ERBIN: variants seen among roughly 807,000 people sequenced by gnomAD.
ERBIN encodes the protein erbb2 interacting protein.
ERBIN carries 60 observed loss-of-function variants against 158.4 expected under a neutral mutation model. The observed-to-expected ratio is 0.38, with a 90% CI of 0.31 to 0.47. The LOEUF (loss-of-function observed/expected upper bound fraction) is 0.47. Among genes scored for constraint, ERBIN ranks in the 20% least tolerant of loss-of-function variants. ERBIN has a pLI of 0.99. For missense variants in ERBIN, 1,610 were observed against 1,648.0 expected (o/e 0.98, Z 0.40); for synonymous variants, 594 against 557.2 (o/e 1.07, Z -0.93).
rs199574681 is a variant in ERBIN at position 66,012,029 on chromosome 5, G to T, written c.308-20G>T. ...TCCTTTGTAATAGATCTTTTAATTTGATCGTTGTTTGTTTTCTAGGAATAC... is the reference window on the plus strand; with the variant it reads ...TCCTTTGTAATAGATCTTTTAATTTTATCGTTGTTTGTTTTCTAGGAATAC... On this transcript the variant is annotated intron_variant, in intron 4 of 25. Transcript: ENST00000284037. 2.7e-6 allele frequency: 4 copies of T among 1,479,556 alleles called. No individual in the cohort carries two copies. The highest frequency in any genetic ancestry group is 2.4e-5 in the South Asian group (2 of 84,330). 91.7% of individuals were successfully genotyped at this position (1,479,556 alleles called of 1,614,324 possible).
In ERBIN at chr5:66,054,498, A is replaced by T. The variant is rs759959869; in HGVS notation, c.3180A>T (p.Ser1060=). 4.3e-6 allele frequency: 7 copies of T among 1,614,208 alleles called. No individual in the cohort carries two copies. The highest frequency in any genetic ancestry group is 5.9e-6 in the Non-Finnish European group (7 of 1,180,020). ...PARHGEMWAI[S]PNDRLIPAVT... ...GACATGGGGAAATGTGGGCCATCTC[A>T]CCAAACGACCGACTTATTCCTGCAG... Residue 1060 remains serine (S), a synonymous_variant, in exon 21 of 26, where the codon TCA becomes TCT. Transcript: ENST00000284037.
At chr5:65,973,146 A>T (rs1426765854) in intron 1 of ERBIN, among the ~76,000 whole-genome samples, 1 of 151,128 alleles carries the variant, frequency 6.6e-6, no homozygotes, top group Non-Finnish European at 1.5e-5. Context: ...CATTCTCAGC[A>T]AACTACCCCA....
chr5:65,981,734 A>C (rs939904989), intron 1 of ERBIN, among the ~76,000 whole-genome samples: 2 of 152,026 alleles, frequency 1.3e-5, no homozygotes, highest in Non-Finnish European at 2.9e-5. Context: ...GCAGTTGACT[A>C]TTTCTCTGAA....
rs1468336137 is a variant in ERBIN, at chr5:66,025,831, C to CT, written c.891-10dup. The CT allele has an allele frequency of 5.9e-6, 8 of 1,354,472 alleles. No homozygotes were observed. The South Asian group carries it at 8.1e-5, about 14-fold the overall frequency. The allele number at this position is 1,354,472 out of a possible 1,614,324, so 83.9% of individuals were successfully genotyped here. A position where few individuals can be genotyped will look rare whatever the true frequency, so the allele number is the denominator to read the frequency against. On this transcript the variant is annotated splice_polypyrimidine_tract_variant and intron_variant, in intron 11 of 25. Transcript: ENST00000284037. ...AATCTTTAACAAATAATATATATTTCTTTTTTTAAATTAAAGGTTAATATC... is the reference window on the plus strand; with the variant it reads ...AATCTTTAACAAATAATATATATTTCTTTTTTTTAAATTAAAGGTTAATATC...
At chr5:66,018,216 G>A (rs1198096743) in intron 7 of ERBIN, among the ~76,000 whole-genome samples, 2 of 150,680 alleles carry the variant, frequency 1.3e-5, no homozygotes, top group Non-Finnish European at 2.9e-5. Flanking sequence ...TGTTAAGAAT[G>A]TCAGTGTTTT....
rs959382268 is a variant in ERBIN, at chr5:66,048,568, T to G, written c.1789-99T>G. On this transcript the variant is annotated intron_variant, in intron 18 of 25. Coordinates refer to ENST00000284037, the MANE Select transcript of ERBIN (RefSeq NM_001253697.2). Reference sequence around the variant, plus strand: ...ATCTTGAAAAGGTTTAATATGTGTTTATAATATTTGTTTTCCCTTTAAAGT... The same window carrying G: ...ATCTTGAAAAGGTTTAATATGTGTTGATAATATTTGTTTTCCCTTTAAAGT... 11 of 702,564 alleles carry G rather than the reference T, an allele frequency of 1.6e-5. No individual in the cohort carries two copies. In the African/African-American group the frequency reaches 2.0e-4, roughly 13 times the overall value. 43.5% of individuals were successfully genotyped at this position (702,564 alleles called of 1,614,324 possible).
At chr5:66,020,844 G>T (rs1384797078) in intron 7 of ERBIN, among the ~76,000 whole-genome samples, 1 of 152,072 alleles carries the variant, frequency 6.6e-6, no homozygotes, top group South Asian at 2.1e-4. Context: ...ATTTGAACAT[G>T]TGGGGAGTAA....
intron 4 of ERBIN, among the ~76,000 whole-genome samples, chr5:66,005,550 T>C (rs1050526012): frequency 2.0e-5 from 3 of 152,032 alleles, no homozygotes; most frequent in Admixed American, 2.0e-4. Context: ...TGAGCCCTGG[T>C]TGGGCAATCA....
intron 7 of ERBIN, among the ~76,000 whole-genome samples, chr5:66,017,120 A>G (rs1465963576): frequency 6.6e-6 from 1 of 151,976 alleles, no homozygotes; most frequent in Non-Finnish European, 1.5e-5. Context: ...TTGATTCCAT[A>G]TTTTGGCTAT....
chr5:66,054,477 T>C lies in ERBIN; in HGVS notation c.3159T>C (p.His1053=), dbSNP rs755081916. The part of the protein sequence containing the change: ...HLHQRLGPAR[H]GEMWAISPND... The stretch of plus-strand genomic sequence containing the variant: ...ATCAGAGACTTGGCCCAGCAAGACA[T>C]GGGGAAATGTGGGCCATCTCACCAA... The change falls in exon 21 of 26, where the codon CAT becomes CAC. Residue 1053 remains histidine (H), a synonymous_variant. Coordinates refer to ENST00000284037, the MANE Select transcript of ERBIN (RefSeq NM_001253697.2). 4 of 1,614,088 alleles carry C rather than the reference T, an allele frequency of 2.5e-6. No individual in the cohort carries two copies. The highest frequency in any genetic ancestry group is 1.7e-6 in the Non-Finnish European group (2 of 1,180,032).
At chr5:65,950,776 T>C (rs940397787) in intron 1 of ERBIN, among the ~76,000 whole-genome samples, 4 of 152,002 alleles carry the variant, frequency 2.6e-5, no homozygotes, top group South Asian at 2.1e-4. Flanking sequence ...CTAGTAATTT[T>C]AGCATTCATA....
In ERBIN at chr5:66,079,158, T is replaced by A; in HGVS notation, c.*628T>A. 1 of 152,634 alleles carries A rather than the reference T, an allele frequency of 6.6e-6. No individual in the cohort carries two copies. The highest frequency in any genetic ancestry group is 6.6e-5 in the Admixed American group (1 of 15,256). 9.5% of individuals were successfully genotyped at this position (152,634 alleles called of 1,614,324 possible). A position where few individuals can be genotyped will look rare whatever the true frequency, so the allele number is the denominator to read the frequency against. ...GAGCTACGTGGTAGTATGTTTTTAT[T>A]AGGAGAATAATGCAATAAAATATGT... On this transcript the variant is annotated 3_prime_UTR_variant, in exon 26 of 26. Transcript: ENST00000284037.
At chr5:66,006,744 C>T (rs1300691850) in intron 4 of ERBIN, among the ~76,000 whole-genome samples, 1 of 152,088 alleles carries the variant, frequency 6.6e-6, no homozygotes, top group Non-Finnish European at 1.5e-5. Context: ...TGAACAGACA[C>T]TTCTCAAAAG....
chr5:65,999,172 C>T (rs916622679), intron 4 of ERBIN, among the ~76,000 whole-genome samples: 3 of 151,340 alleles, frequency 2.0e-5, no homozygotes, highest in Non-Finnish European at 4.4e-5. Context: ...AGTTTGTGAC[C>T]AGCCTGGCGA....
intron 21 of ERBIN, among the ~76,000 whole-genome samples, chr5:66,062,510 GT>G (rs1760520123): frequency 6.6e-6 from 1 of 151,626 alleles, no homozygotes; most frequent in Non-Finnish European, 1.5e-5. Flanking sequence ...GCTCGGAGTA[GT>G]TTGATCTTCT....
chr5:66,049,319 C>T (rs1422913984), intron 19 of ERBIN, among the ~76,000 whole-genome samples: 1 of 152,034 alleles, frequency 6.6e-6, no homozygotes, highest in Non-Finnish European at 1.5e-5. Flanking sequence ...CTCACCCCTC[C>T]CCTCTAGCAC....
intron 14 of ERBIN, among the ~76,000 whole-genome samples, chr5:66,036,176 C>T (rs1373353779): frequency 3.3e-5 from 5 of 152,142 alleles, no homozygotes; most frequent in Non-Finnish European, 5.9e-5. Context: ...ACAGTGCTGA[C>T]AGACTGTTGA....
At chr5:65,996,260 T>G (rs6896332) in intron 4 of ERBIN, among the ~76,000 whole-genome samples, 7 of 149,848 alleles carry the variant, frequency 4.7e-5, no homozygotes, top group African/African-American at 1.7e-4. Flanking sequence ...TTTTTTTTTT[T>G]TTTTTAACAG....
At chr5:65,950,739 T>C (rs1459035175) in intron 1 of ERBIN, among the ~76,000 whole-genome samples, 2 of 152,190 alleles carry the variant, frequency 1.3e-5, no homozygotes, top group African/African-American at 4.8e-5. Flanking sequence ...GGAGATACTT[T>C]GATACTATTT....
Sources: gnomAD v4.1 joint callset for allele counts (sites outside exome capture counted in the v4.1 genomes callset) on GRCh38, gnomAD v4.1.1 for gene constraint, MANE v1.5 for transcripts, NCBI Gene and HGNC (gene_info 2026-07-23, HGNC 2026-07-21) for gene names.